The following CNTN5 variants were observed in gnomAD, a reference collection of about 807,000 sequenced individuals.
CNTN5 encodes the protein contactin 5.
Under a neutral mutation model 129.1 loss-of-function variants are expected in CNTN5, and 77 were observed. The observed-to-expected ratio is 0.60, with a 90% CI of 0.50 to 0.72. The LOEUF (loss-of-function observed/expected upper bound fraction) is 0.72. Ranked by LOEUF, CNTN5 falls within the 30% of genes least tolerant of loss-of-function variation. The probability of loss-of-function intolerance (pLI) is 0.00; values close to 1 mark genes in which losing one functional copy is unlikely to be tolerated. For synonymous variants in CNTN5, 509 were observed against 465.6 expected (o/e 1.09, Z -1.20); for missense variants, 1,478 against 1,328.8 (o/e 1.11, Z -1.75).
chr11:99,619,364 A>G lies in CNTN5; in HGVS notation c.55+63095A>G, dbSNP rs541341855. 3.3e-5 allele frequency among the ~76,000 whole-genome samples: 5 copies of G among 151,088 alleles called. No individual in the cohort carries two copies. The South Asian group carries it at 8.3e-4, about 25-fold the overall frequency. ...GCTCAATGAGCAACTAATTAAACAT[A>G]ATATATATTTCTGTCTGGTTTTTCG... On this transcript the variant is annotated intron_variant, in intron 3 of 24. Transcript: ENST00000524871.
At chr11:99,653,597 A>T (rs549837276) in intron 3 of CNTN5, among the ~76,000 whole-genome samples, 1 of 152,170 alleles carries the variant, frequency 6.6e-6, no homozygotes, top group Non-Finnish European at 1.5e-5. Flanking sequence ...AGGGGGGAAA[A>T]TGCTTATAGG....
intron 1 of CNTN5, among the ~76,000 whole-genome samples, chr11:99,265,726 C>T (rs1166477700): frequency 6.6e-6 from 1 of 151,940 alleles, no homozygotes; most frequent in Non-Finnish European, 1.5e-5. Flanking sequence ...AACAAATCAT[C>T]CATTACAACA....
intron 2 of CNTN5, among the ~76,000 whole-genome samples, chr11:99,518,547 A>G (rs36077830): frequency 0.15 from 23,143 of 151,948 alleles, 2,291 homozygotes; most frequent in East Asian, 0.51. Flanking sequence ...TTACTTCCAA[A>G]AGGAAGTAGC....
At chr11:99,061,563 T>C (rs1392423441) in intron 1 of CNTN5, among the ~76,000 whole-genome samples, 1 of 152,070 alleles carries the variant, frequency 6.6e-6, no homozygotes. Flanking sequence ...GAAAAGTTCT[T>C]AGCCAAGATA....
intron 3 of CNTN5, among the ~76,000 whole-genome samples, chr11:99,651,201 G>A (rs953416161): frequency 4.8e-5 from 7 of 146,422 alleles, no homozygotes; most frequent in Non-Finnish European, 1.1e-4. Flanking sequence ...TTGAAAAAGG[G>A]AAACAGTTAT....
At chr11:99,544,483 T>C (rs943033673) in intron 2 of CNTN5, among the ~76,000 whole-genome samples, 1 of 152,232 alleles carries the variant, frequency 6.6e-6, no homozygotes, top group Non-Finnish European at 1.5e-5. Flanking sequence ...GAAATTATTA[T>C]CTGCTTGAAG....
intron 8 of CNTN5, among the ~76,000 whole-genome samples, chr11:99,998,184 G>C (rs1055491817): frequency 5.0e-4 from 76 of 151,838 alleles, no homozygotes; most frequent in Non-Finnish European, 1.0e-3. Context: ...GGAATAAAGG[G>C]TCTTCAATTA....
chr11:99,788,056 C>T (rs758437938), intron 3 of CNTN5, among the ~76,000 whole-genome samples: 1 of 151,954 alleles, frequency 6.6e-6, no homozygotes, highest in African/African-American at 2.4e-5. Context: ...GCACCCCTCA[C>T]ATTCATGATC....
At chr11:100,076,043 C>T (rs1457636003) in intron 13 of CNTN5, among the ~76,000 whole-genome samples, 1 of 151,946 alleles carries the variant, frequency 6.6e-6, no homozygotes, top group Admixed American at 6.6e-5. Context: ...ATCATTGTTG[C>T]CTATGACAGA....
intron 2 of CNTN5, among the ~76,000 whole-genome samples, chr11:99,451,007 C>A (rs534670350): frequency 3.3e-5 from 5 of 151,604 alleles, no homozygotes; most frequent in Admixed American, 2.6e-4. Context: ...TTAAGCTTAC[C>A]CCATTTGTGA....
chr11:99,767,319 T>C (rs377179722), intron 3 of CNTN5, among the ~76,000 whole-genome samples: 20 of 152,164 alleles, frequency 1.3e-4, no homozygotes, highest in African/African-American at 4.1e-4. Context: ...AGACAGACTA[T>C]GTAGAACTGT....
At chr11:99,940,430 T>C (rs1386632923) in intron 7 of CNTN5, among the ~76,000 whole-genome samples, 1 of 152,138 alleles carries the variant, frequency 6.6e-6, no homozygotes, top group African/African-American at 2.4e-5. Context: ...AAGAGGAGTA[T>C]AGTATTTCAA....
intron 13 of CNTN5, among the ~76,000 whole-genome samples, chr11:100,177,181 A>G (rs911755592): frequency 1.3e-5 from 2 of 152,134 alleles, no homozygotes; most frequent in Admixed American, 6.6e-5. Context: ...AGGCTTATCC[A>G]TGGATCATTT....
At chr11:99,813,445 T>C (rs113430271) in intron 3 of CNTN5, among the ~76,000 whole-genome samples, 2 of 152,242 alleles carry the variant, frequency 1.3e-5, no homozygotes, top group African/African-American at 4.8e-5. Context: ...AGTGTGGAAA[T>C]TGTTAGGATC....
intron 21 of CNTN5, among the ~76,000 whole-genome samples, chr11:100,334,607 A>T (rs150553438): frequency 6.6e-6 from 1 of 152,206 alleles, no homozygotes; most frequent in Non-Finnish European, 1.5e-5. Context: ...TATTAAAAAA[A>T]AGAATGAAAT....
At chr11:99,032,163 T>C (rs981998499) in intron 1 of CNTN5, among the ~76,000 whole-genome samples, 1 of 152,110 alleles carries the variant, frequency 6.6e-6, no homozygotes, top group African/African-American at 2.4e-5. Flanking sequence ...ATCCAGTCTA[T>C]CATTGTTGGA....
intron 9 of CNTN5, among the ~76,000 whole-genome samples, chr11:100,050,984 A>G (rs1460660570): frequency 6.6e-6 from 1 of 152,160 alleles, no homozygotes; most frequent in East Asian, 1.9e-4. Context: ...ATTTTACTAT[A>G]ATAGTTGGAG....
At chr11:99,613,218 G>A (rs1950644524) in intron 3 of CNTN5, among the ~76,000 whole-genome samples, 1 of 152,218 alleles carries the variant, frequency 6.6e-6, no homozygotes, top group Admixed American at 6.5e-5. Context: ...AAAGAGACCA[G>A]GTGGAGGTAG....
At chr11:99,693,419 C>T (rs1954124746) in intron 3 of CNTN5, among the ~76,000 whole-genome samples, 1 of 151,952 alleles carries the variant, frequency 6.6e-6, no homozygotes, top group Non-Finnish European at 1.5e-5. Context: ...AAAGAAGTTA[C>T]AACCTGTGAT....
Sources: allele counts gnomAD v4.1 joint callset (sites outside exome capture counted in the v4.1 genomes callset), GRCh38; gene constraint gnomAD v4.1.1; transcripts MANE v1.5; gene names NCBI Gene and HGNC (gene_info 2026-07-23, HGNC 2026-07-21).